HEMK2: variants seen among roughly 807,000 people sequenced by gnomAD.
HEMK2 encodes the protein HemK methyltransferase 2, ETF1 glutamine and histone H4 lysine, also known as methyltransferase HEMK2.
At chr21:28,831,466 A>AGAACGAAAGAAG in the HEMK2 span, among the ~76,000 whole-genome samples, 1 of 27,446 alleles carries the variant, frequency 3.6e-5, no homozygotes, top group Non-Finnish European at 6.2e-5. Context: ...AAAGAACGAA[A>AGAACGAAAGAAG]GAAAGAAAGA....
chr21:28,866,175 A>AAAAAAAAAAAAAAAAAAC, the HEMK2 span, among the ~76,000 whole-genome samples: 16 of 76,238 alleles, frequency 2.1e-4, 3 homozygotes, highest in South Asian at 1.2e-3. Flanking sequence ...CAAAAAAAAA[A>AAAAAAAAAAAAAAAAAAC]ACACACACAC....
chr21:28,842,302 T>A, the HEMK2 span, among the ~76,000 whole-genome samples: 2 of 152,126 alleles, frequency 1.3e-5, no homozygotes. Flanking sequence ...CATAACTCAG[T>A]TTTCTATACA....
chr21:28,659,588 C>T, the HEMK2 span, among the ~76,000 whole-genome samples: 5 of 152,012 alleles, frequency 3.3e-5, no homozygotes, highest in South Asian at 4.1e-4. Flanking sequence ...ATACCCTGGA[C>T]TCAACATTGC....
At chr21:28,771,522 C>CGCCCCCCCCT in the HEMK2 span, among the ~76,000 whole-genome samples, 1 of 119,162 alleles carries the variant, frequency 8.4e-6, no homozygotes, top group African/African-American at 2.9e-5. Flanking sequence ...TGCACCACCC[C>CGCCCCCCCCT]CCCCCGCCAA....
chr21:28,620,660 CTTTTTTTTTTTTTTTTTTTTTTT>C, the HEMK2 span, among the ~76,000 whole-genome samples: 1 of 49,642 alleles, frequency 2.0e-5, no homozygotes, highest in East Asian at 7.5e-4. Flanking sequence ...TCTCTCTTTT[CTTTTTTTTTTTTTTTTTTTTTTT>C]TTTTTTTTGA....
the HEMK2 span, among the ~76,000 whole-genome samples, chr21:28,620,660 CTTTTTTTTTTTTTTTTTT>C: frequency 4.0e-5 from 2 of 49,642 alleles, no homozygotes; most frequent in African/African-American, 9.5e-5. Context: ...TCTCTCTTTT[CTTTTTTTTTTTTTTTTTT>C]TTTTTTTTTT....
the HEMK2 span, among the ~76,000 whole-genome samples, chr21:28,830,127 T>C: frequency 6.6e-6 from 1 of 152,180 alleles, no homozygotes; most frequent in African/African-American, 2.4e-5. Flanking sequence ...TATCTAAAAC[T>C]GAGAACCCTG....
the HEMK2 span, among the ~76,000 whole-genome samples, chr21:28,586,452 A>T: frequency 6.6e-6 from 1 of 152,206 alleles, no homozygotes; most frequent in Non-Finnish European, 1.5e-5. Flanking sequence ...TTCCAAAGAT[A>T]GTATAAGATG....
the HEMK2 span, among the ~76,000 whole-genome samples, chr21:28,679,103 T>C: frequency 7.2e-5 from 11 of 152,052 alleles, no homozygotes; most frequent in Admixed American, 5.9e-4. Context: ...GACTGGCAAA[T>C]TGGATAAAGA....
the HEMK2 span, among the ~76,000 whole-genome samples, chr21:28,797,676 G>C: frequency 6.6e-6 from 1 of 151,838 alleles, no homozygotes; most frequent in Non-Finnish European, 1.5e-5. Flanking sequence ...TTAAAAGATG[G>C]GAAAAAAATA....
chr21:28,594,219 C>G, the HEMK2 span, among the ~76,000 whole-genome samples: 3 of 152,130 alleles, frequency 2.0e-5, no homozygotes, highest in African/African-American at 7.2e-5. Context: ...AGAAACTATC[C>G]TAGCCAAGAG....
At chr21:28,631,711 C>A in the HEMK2 span, among the ~76,000 whole-genome samples, 1 of 151,824 alleles carries the variant, frequency 6.6e-6, no homozygotes, top group African/African-American at 2.4e-5. Flanking sequence ...AACAGTAAAG[C>A]CATTTTCTTG....
chr21:28,841,408 A>T, the HEMK2 span, among the ~76,000 whole-genome samples: 2 of 37,828 alleles, frequency 5.3e-5, no homozygotes, highest in African/African-American at 4.1e-4. Context: ...TATATATAAT[A>T]TATATATTAT....
chr21:28,794,406 T>C, the HEMK2 span, among the ~76,000 whole-genome samples: 1 of 152,242 alleles, frequency 6.6e-6, no homozygotes, highest in Non-Finnish European at 1.5e-5. Context: ...TCAAATTTCA[T>C]GTCCAGTTGG....
the HEMK2 span, among the ~76,000 whole-genome samples, chr21:28,883,924 A>G: frequency 2.4e-4 from 37 of 152,320 alleles, no homozygotes; most frequent in African/African-American, 8.4e-4. Flanking sequence ...AGCATAAATC[A>G]TCCCCATTAA....
chr21:28,624,511 C>A, the HEMK2 span, among the ~76,000 whole-genome samples: 1 of 152,166 alleles, frequency 6.6e-6, no homozygotes, highest in African/African-American at 2.4e-5. Flanking sequence ...TTCACCTAGT[C>A]AGAAGAGGGT....
At chr21:28,831,671 GAAAGAAAGAAA>G in the HEMK2 span, among the ~76,000 whole-genome samples, 14 of 59,294 alleles carry the variant, frequency 2.4e-4, no homozygotes, top group African/African-American at 6.6e-4. Context: ...AAGAAAGAAA[GAAAGAAAGAAA>G]GAAGGAAGGA....
At chr21:28,630,117 G>T in the HEMK2 span, among the ~76,000 whole-genome samples, 1 of 152,090 alleles carries the variant, frequency 6.6e-6, no homozygotes, top group African/African-American at 2.4e-5. Flanking sequence ...AAAGGATAAA[G>T]CTTTAACATA....
the HEMK2 span, among the ~76,000 whole-genome samples, chr21:28,799,699 C>A: frequency 6.6e-6 from 1 of 152,182 alleles, no homozygotes; most frequent in Non-Finnish European, 1.5e-5. Flanking sequence ...GTGCTTAACT[C>A]CTGAAGGTTT....
Sources: gnomAD v4.1 joint callset for allele counts (sites outside exome capture counted in the v4.1 genomes callset) on GRCh38, gnomAD v4.1.1 for gene constraint, MANE v1.5 for transcripts, NCBI Gene and HGNC (gene_info 2026-07-23, HGNC 2026-07-21) for gene names.